SPOUT1: variants seen among roughly 807,000 people sequenced by gnomAD.
The protein encoded by SPOUT1 is 28S rRNA (uridine-N(3))-methyltransferase.
SPOUT1 carries 40 observed loss-of-function variants against 54.8 expected under a neutral mutation model. That is an observed-to-expected ratio of 0.73 (90% CI 0.57 to 0.95). The LOEUF (loss-of-function observed/expected upper bound fraction) is 0.95. Among genes scored for constraint, SPOUT1 ranks in the 40% least tolerant of loss-of-function variants. SPOUT1 has a pLI of 0.00. For missense variants in SPOUT1, 437 were observed against 499.5 expected (o/e 0.87, Z 1.19); for synonymous variants, 193 against 200.3 (o/e 0.96, Z 0.31).
rs758458301 is a variant in SPOUT1 at position 128,826,660 on chromosome 9, C to T, written c.369-31G>A. 5.5e-6 allele frequency: 8 copies of T among 1,455,988 alleles called. No homozygotes were observed. The African/African-American group carries it at 1.0e-4, about 18-fold the overall frequency. The allele number at this position is 1,455,988 out of a possible 1,614,324, so 90.2% of individuals were successfully genotyped here. On this transcript the variant is annotated intron_variant, in intron 4 of 11. Transcript: ENST00000361256. This position sits in a 1 kb window ranked among gnomAD's most constrained non-coding sequence, Gnocchi z 5.5. ...GAGAGAGAGATGGGGGCTCAGGATC[C>T]AGCTGTGGCCCCTTCAAGAGCTCCT...
Position 128,821,522 on chromosome 9 carries a change from A to G in SPOUT1, c.*1243T>C, listed in dbSNP as rs1830118919. On this transcript the variant is annotated 3_prime_UTR_variant, in exon 12 of 12. Transcript: ENST00000361256. ...CCACCCTTCTCGGGAGTTTGAATCTAGATCTGCCTGACCCAGGGCCTCCAC... is the reference window on the plus strand; with the variant it reads ...CCACCCTTCTCGGGAGTTTGAATCTGGATCTGCCTGACCCAGGGCCTCCAC... The G allele has an allele frequency of 6.5e-6, 1 of 154,620 alleles. No individual in the cohort carries two copies. Among genetic ancestry groups the G allele is most frequent in the South Asian group, 2.0e-4 (1 of 5,098 alleles). 9.6% of individuals were successfully genotyped at this position (154,620 alleles called of 1,614,324 possible).
rs763665605 is a variant in SPOUT1, at chr9:128,826,604, C to T, written c.394G>A (p.Val132Ile). 2 of 1,595,932 alleles carry T rather than the reference C, an allele frequency of 1.3e-6. No homozygotes were observed. The highest frequency in any genetic ancestry group is 1.7e-6 in the Non-Finnish European group (2 of 1,170,380). Residue 132 changes from valine to isoleucine, a missense_variant, in exon 5 of 12, where the codon GTT becomes ATT. Physicochemically the swap from Val to Ile is conservative, Grantham distance 29. Coordinates refer to ENST00000361256, the MANE Select transcript of SPOUT1 (RefSeq NM_016390.4). The surrounding 1 kb of genome is among the most constrained non-coding windows in gnomAD (Gnocchi z 5.5). The part of the protein sequence containing the change: ...AKTVEGEFTG[V>I]GKKGQACVQL... ...ACGCACGCCTGCCCCTTCTTCCCAA[C>T]TCCTGTGAATTCCCCCTCCACAGTC...
At chr9:128,822,883 C>T (rs777635976) in intron 11 of SPOUT1, 50 bp from the exon 12 acceptor site, 35 of 1,381,470 alleles carry the variant, frequency 2.5e-5, no homozygotes, top group Non-Finnish European at 3.4e-5. Flanking sequence ...CTAGCGGGTG[C>T]CCCCGCTCCC....
At chr9:128,829,564 G>C (rs767554793) in intron 1 of SPOUT1, among the ~76,000 whole-genome samples, 181 bp downstream of exon 1, 1 of 152,236 alleles carries the variant, frequency 6.6e-6, no homozygotes, top group Non-Finnish European at 1.5e-5. Flanking sequence ...GTTCCGGAGA[G>C]GACACGGGCG....
At chr9:128,829,047 A>AG (rs930577976) in intron 2 of SPOUT1, 63 bp downstream of exon 2, 1 of 1,536,134 alleles carries the variant, frequency 6.5e-7, no homozygotes, top group Admixed American at 1.7e-5. Context: ...GTCTTTCTCC[A>AG]GGGTTTGACT....
intron 10 of SPOUT1, 79 bp from the exon 11 acceptor site, chr9:128,823,973 C>G: frequency 6.3e-7 from 1 of 1,586,124 alleles, no homozygotes; most frequent in Non-Finnish European, 8.6e-7. Context: ...AGTCCCTCCC[C>G]ACCCCAGACA....
rs1044414743 is a variant in SPOUT1 at position 128,820,129 on chromosome 9, G to A, written c.*2636C>T. On this transcript the variant is annotated 3_prime_UTR_variant, in exon 12 of 12. Coordinates refer to ENST00000361256, the MANE Select transcript of SPOUT1 (RefSeq NM_016390.4). ...GTTTCGAGGCAGACACCTGGCCCACGATCAGGTTGTTAGTGCCAGGCACTG... is the reference window on the plus strand; with the variant it reads ...GTTTCGAGGCAGACACCTGGCCCACAATCAGGTTGTTAGTGCCAGGCACTG... 2.0e-5 allele frequency: 3 copies of A among 152,422 alleles called. No homozygotes were observed. Among genetic ancestry groups the A allele is most frequent in the Non-Finnish European group, 4.4e-5 (3 of 68,236 alleles). 9.4% of individuals were successfully genotyped at this position (152,422 alleles called of 1,614,324 possible).
At chr9:128,823,716 G>A (rs1176738678) in intron 11 of SPOUT1, 31 bp downstream of exon 11, 27 of 1,580,160 alleles carry the variant, frequency 1.7e-5, no homozygotes, top group Non-Finnish European at 2.2e-5. Context: ...AGGCCCCAGT[G>A]GCTGGCAGTC....
intron 2 of SPOUT1, 113 bp downstream of exon 2, chr9:128,828,997 C>G (rs1247685853): frequency 1.3e-6 from 2 of 1,504,292 alleles, no homozygotes; most frequent in Admixed American, 1.7e-5. Flanking sequence ...CCTGCCTCCC[C>G]ACTTTGTGTG....
Position 128,826,322 on chromosome 9 carries a change from G to A in SPOUT1, c.508+62C>T. 2 of 1,587,256 alleles carry A rather than the reference G, an allele frequency of 1.3e-6. No individual in the cohort carries two copies. The highest frequency in any genetic ancestry group is 2.2e-5 in the East Asian group (1 of 44,760). On this transcript the variant is annotated intron_variant, in intron 6 of 11. Coordinates refer to ENST00000361256, the MANE Select transcript of SPOUT1 (RefSeq NM_016390.4). The surrounding 1 kb of genome is among the most constrained non-coding windows in gnomAD (Gnocchi z 5.5). The stretch of plus-strand genomic sequence containing the variant: ...CCTGGACAGCGCAGGGTAGGACTGG[G>A]TGGTCTCAGTGTCTGTGGCATGATC...
chr9:128,826,904 A>T lies in SPOUT1; in HGVS notation c.368+128T>A, dbSNP rs1233424380. ...CAACTCTACCCACTAAGGATTACAC[A>T]GGGAATATTTCAGGCAGGGCACGAG... On this transcript the variant is annotated intron_variant, in intron 4 of 11. Transcript: ENST00000361256. The surrounding 1 kb of genome is among the most constrained non-coding windows in gnomAD (Gnocchi z 5.5). 1.1e-5 allele frequency: 11 copies of T among 1,015,126 alleles called. No homozygotes were observed. Among genetic ancestry groups the T allele is most frequent in the Non-Finnish European group, 1.6e-5 (11 of 678,364 alleles). 62.9% of individuals were successfully genotyped at this position (1,015,126 alleles called of 1,614,324 possible). A position where few individuals can be genotyped will look rare whatever the true frequency, so the allele number is the denominator to read the frequency against.
intron 3 of SPOUT1, among the ~76,000 whole-genome samples, chr9:128,827,552 T>G (rs1772506926): frequency 6.6e-6 from 1 of 152,242 alleles, no homozygotes; most frequent in Non-Finnish European, 1.5e-5. Context: ...GCCATTAACC[T>G]GATCCCTAGT....
rs1830104961 is a variant in SPOUT1, at chr9:128,821,125, C to G, written c.*1640G>C. 8.0e-6 allele frequency: 4 copies of G among 497,294 alleles called. No homozygotes were observed. Among genetic ancestry groups the G allele is most frequent in the Non-Finnish European group, 7.3e-6 (2 of 273,732 alleles). The allele number at this position is 497,294 out of a possible 1,614,324, so 30.8% of individuals were successfully genotyped here. On this transcript the variant is annotated 3_prime_UTR_variant, in exon 12 of 12. Coordinates refer to ENST00000361256, the MANE Select transcript of SPOUT1 (RefSeq NM_016390.4). Reference sequence around the variant, plus strand: ...CTCCCTGCTGTCACCTCTTGGCATGCCCACCCAATCTTGTTCTGCCAATAT... The same window carrying G: ...CTCCCTGCTGTCACCTCTTGGCATGGCCACCCAATCTTGTTCTGCCAATAT...
At chr9:128,829,594 G>T in intron 1 of SPOUT1, 151 bp downstream of exon 1, 1 of 635,774 alleles carries the variant, frequency 1.6e-6, no homozygotes, top group Non-Finnish European at 2.7e-6. Context: ...TCCTGCTGAG[G>T]CTCACGCGGC....
At chr9:128,828,170 G>T (rs892114420) in intron 3 of SPOUT1, among the ~76,000 whole-genome samples, 18 of 152,084 alleles carry the variant, frequency 1.2e-4, no homozygotes, top group Non-Finnish European at 2.4e-4. Context: ...AAATCAGGAA[G>T]ATCATGAAGT....
chr9:128,824,050 C>T lies in SPOUT1; in HGVS notation c.914+22G>A, dbSNP rs368177877. On this transcript the variant is annotated intron_variant, in intron 10 of 11. Transcript: ENST00000361256. ...CTGGCCACATTCCTCCTGCCCTGGC[C>T]GCAGCCCCAGGAGGTACACACCTGA... 133 of 1,601,270 alleles carry T rather than the reference C, an allele frequency of 8.3e-5. 1 individual carries two copies. The Admixed American group carries it at 1.5e-3, about 18-fold the overall frequency.
rs370087122 is a variant in SPOUT1 at position 128,828,840 on chromosome 9, A to G, written c.103T>C (p.Trp35Arg). The G allele has an allele frequency of 1.3e-6, 2 of 1,596,974 alleles. No homozygotes were observed. The highest frequency in any genetic ancestry group is 4.5e-5 in the East Asian group (2 of 44,464). ...TTTTTCATCAGCTTGAGATCCTTCC[A>G]TTTTTTTTTCTCCTCTTTCTCTGGA... is the stretch of plus-strand genomic sequence containing the variant. ...KQQKKEEKKK[W>R]KDLKLMKKLE... is the part of the protein sequence containing the mutation. Residue 35 changes from tryptophan (W) to arginine (R), a missense_variant, in exon 3 of 12, where the codon TGG becomes CGG. By Grantham distance (101) the Trp-to-Arg change is moderately radical. Transcript: ENST00000361256.
Position 128,820,590 on chromosome 9 carries a change from T to A in SPOUT1, c.*2175A>T, listed in dbSNP as rs1458922174. On this transcript the variant is annotated 3_prime_UTR_variant, in exon 12 of 12. Transcript: ENST00000361256. ...TCTATCAGCCCTGGGTTTCAGGGAG[T>A]GACTTTCATTCCTTGAGCCTCAGTT... 7.5e-6 allele frequency: 5 copies of A among 664,804 alleles called. No individual in the cohort carries two copies. The highest frequency in any genetic ancestry group is 1.1e-5 in the Non-Finnish European group (4 of 379,382). 41.2% of individuals were successfully genotyped at this position (664,804 alleles called of 1,614,324 possible). A position where few individuals can be genotyped will look rare whatever the true frequency, so the allele number is the denominator to read the frequency against.
At chr9:128,822,994 C>A (rs1830158390) in intron 11 of SPOUT1, among the ~76,000 whole-genome samples, 161 bp from the exon 12 acceptor site, 1 of 152,218 alleles carries the variant, frequency 6.6e-6, no homozygotes, top group Admixed American at 6.5e-5. Flanking sequence ...GTTCACACTG[C>A]ACACTTGCCA....
Sources: gnomAD v4.1 joint callset for allele counts (sites outside exome capture counted in the v4.1 genomes callset) on GRCh38, gnomAD v4.1.1 for gene constraint, Gnocchi (gnomAD v3.1) non-coding constraint, MANE v1.5 for transcripts, NCBI Gene and HGNC (gene_info 2026-07-23, HGNC 2026-07-21) for gene names.